EPB41L5: variants seen among roughly 807,000 people sequenced by gnomAD.
EPB41L5 encodes band 4.1-like protein 5.
In EPB41L5, 55 loss-of-function variants were observed where a neutral mutation model predicts 106.6. The observed-to-expected ratio is 0.52, with a 90% CI of 0.42 to 0.65. EPB41L5 has a LOEUF of 0.65. EPB41L5 is among the 30% of genes least tolerant of loss of function. EPB41L5 has a pLI of 0.00. For synonymous variants in EPB41L5, 297 were observed against 306.7 expected (o/e 0.97, Z 0.33); for missense variants, 871 against 882.1 (o/e 0.99, Z 0.16).
At chr2:120,114,865 T>A (rs538546988) in intron 16 of EPB41L5, among the ~76,000 whole-genome samples, 2 of 152,322 alleles carry the variant, frequency 1.3e-5, no homozygotes, top group African/African-American at 4.8e-5. Flanking sequence ...TTATCTAGTT[T>A]TTCTGCTCAT....
In EPB41L5 at chr2:120,100,245, G is replaced by A. The variant is rs750522667; in HGVS notation, c.1180G>A (p.Val394Ile). The A allele has an allele frequency of 3.7e-5, 60 of 1,612,622 alleles. No individual in the cohort carries two copies. The highest frequency in any genetic ancestry group is 5.0e-5 in the Non-Finnish European group (59 of 1,179,226). Residue 394 changes from valine to isoleucine, a missense_variant and splice_region_variant, in exon 15 of 25, where the codon GTT (valine) becomes ATT (isoleucine). By Grantham distance (29) the Val-to-Ile change is conservative. Transcript: ENST00000263713. ...ATTGATTTTTTTTTCCCATTACAGT[G>A]TTCACAATAATGTTTCGACCCAAAG... ...ACATKPEELS[V>I]HNNVSTQSNG... is the part of the protein sequence containing the mutation.
intron 16 of EPB41L5, chr2:120,105,750 C>T (rs145270902): frequency 0.014 from 14,224 of 985,228 alleles, 119 homozygotes; most frequent in Non-Finnish European, 0.016. Flanking sequence ...TAATGTATGG[C>T]CCTTATAGTT....
intron 3 of EPB41L5, among the ~76,000 whole-genome samples, chr2:120,072,961 G>C (rs1466386582): frequency 2.0e-5 from 3 of 151,140 alleles, no homozygotes; most frequent in Non-Finnish European, 4.4e-5. Context: ...TCAGGTTTTA[G>C]GTCGTTTTTG....
intron 16 of EPB41L5, among the ~76,000 whole-genome samples, chr2:120,108,701 A>C (rs1318055802): frequency 6.6e-6 from 1 of 152,154 alleles, no homozygotes; most frequent in Non-Finnish European, 1.5e-5. Flanking sequence ...TCTTATTACA[A>C]AACTGTATTT....
chr2:120,116,845 A>G lies in EPB41L5; in HGVS notation c.1338-10843A>G, dbSNP rs1299245806. Among the ~76,000 whole-genome samples, 3 of 152,120 alleles carry G rather than the reference A, an allele frequency of 2.0e-5. No individual in the cohort carries two copies. The East Asian group carries it at 5.8e-4, about 29-fold the overall frequency. On this transcript the variant is annotated intron_variant, in intron 16 of 24. Transcript: ENST00000263713. Reference sequence around the variant, plus strand: ...ATCTACCTAAATGTAGTAAGTCTTTATGCTACTACTGAAAAAAAGAATGAA... The same window carrying G: ...ATCTACCTAAATGTAGTAAGTCTTTGTGCTACTACTGAAAAAAAGAATGAA...
intron 20 of EPB41L5, among the ~76,000 whole-genome samples, chr2:120,147,871 AT>A (rs564915816): frequency 6.6e-6 from 1 of 152,038 alleles, no homozygotes; most frequent in Non-Finnish European, 1.5e-5. Flanking sequence ...TGAAGAATCT[AT>A]TTTTCCCCTA....
chr2:120,042,998 TGTGTGTGTGTGTGTGTGTGTGTG>T (rs1679504655), intron 3 of EPB41L5, among the ~76,000 whole-genome samples: 14 of 127,616 alleles, frequency 1.1e-4, no homozygotes, highest in East Asian at 4.5e-4. Flanking sequence ...TCTGGAAATG[TGTGTGTGTGTGTGTGTGTGTGTG>T]TGTGTGTGTG....
chr2:120,075,369 T>G, intron 5 of EPB41L5, 107 bp from the exon 6 acceptor site: 1 of 808,564 alleles, frequency 1.2e-6, no homozygotes, highest in Middle Eastern at 2.5e-4. Context: ...TATACATTAA[T>G]ACAAGTAATT....
At chr2:120,160,834 T>TA (rs1279050670) in intron 20 of EPB41L5, 47 bp from the exon 21 acceptor site, 1 of 1,407,472 alleles carries the variant, frequency 7.1e-7, no homozygotes, top group Non-Finnish European at 1.0e-6. Flanking sequence ...ATCCTGCCTG[T>TA]ACCTGTACAG....
At chr2:120,048,863 G>T (rs899352091) in intron 3 of EPB41L5, among the ~76,000 whole-genome samples, 16 of 152,096 alleles carry the variant, frequency 1.1e-4, no homozygotes, top group African/African-American at 3.6e-4. Context: ...CTGGTATGTT[G>T]TGTCTTTGTT....
chr2:120,174,659 G>A (rs1471016870), intron 24 of EPB41L5, among the ~76,000 whole-genome samples, 182 bp from the exon 25 acceptor site: 1 of 152,194 alleles, frequency 6.6e-6, no homozygotes, highest in Non-Finnish European at 1.5e-5. Flanking sequence ...AATAAGCAGT[G>A]TTTATCCAGA....
At chr2:120,100,640 T>A in intron 15 of EPB41L5, 59 bp from the exon 16 acceptor site, 12 of 1,184,818 alleles carry the variant, frequency 1.0e-5, no homozygotes, top group Non-Finnish European at 1.5e-5. Context: ...TTAGTATTTG[T>A]TGGTGAAGAG....
At chr2:120,119,629 T>A (rs1192434023) in intron 16 of EPB41L5, among the ~76,000 whole-genome samples, 1 of 140,390 alleles carries the variant, frequency 7.1e-6, no homozygotes, top group African/African-American at 2.8e-5. Context: ...CTCCATTTCT[T>A]TCTCTTTTTT....
chr2:120,122,186 C>A (rs1685246849), intron 16 of EPB41L5, among the ~76,000 whole-genome samples: 1 of 152,094 alleles, frequency 6.6e-6, no homozygotes, highest in Non-Finnish European at 1.5e-5. Context: ...TTAATTAGGT[C>A]ACATTTGTCA....
At chr2:120,149,247 T>G (rs1358214565) in intron 20 of EPB41L5, among the ~76,000 whole-genome samples, 1 of 152,210 alleles carries the variant, frequency 6.6e-6, no homozygotes, top group Non-Finnish European at 1.5e-5. Context: ...AGTGTGCAAT[T>G]CAATAGTTTT....
intron 22 of EPB41L5, among the ~76,000 whole-genome samples, chr2:120,165,284 T>C (rs1220365242): frequency 6.6e-6 from 1 of 152,250 alleles, no homozygotes; most frequent in Non-Finnish European, 1.5e-5. Context: ...GTCTGGAAGA[T>C]ACTGTATTAA....
At chr2:120,083,654 A>G (rs1163613355) in intron 10 of EPB41L5, among the ~76,000 whole-genome samples, 4 of 152,122 alleles carry the variant, frequency 2.6e-5, no homozygotes, top group Non-Finnish European at 5.9e-5. Context: ...ATTCCTGGAT[A>G]TCCTTGTTAA....
At chr2:120,156,878 C>A (rs943070296) in intron 20 of EPB41L5, among the ~76,000 whole-genome samples, 9 of 152,194 alleles carry the variant, frequency 5.9e-5, no homozygotes, top group African/African-American at 1.7e-4. Context: ...TTAGACACAT[C>A]ATCGAAGCAG....
chr2:120,073,394 A>G (rs113206273), intron 4 of EPB41L5, among the ~76,000 whole-genome samples, 174 bp downstream of exon 4: 11 of 152,306 alleles, frequency 7.2e-5, no homozygotes, highest in African/African-American at 2.6e-4. Context: ...TGTAGGCTTG[A>G]TACTAATCTA....
Sources: gnomAD v4.1 joint callset for allele counts (sites outside exome capture counted in the v4.1 genomes callset) on GRCh38, gnomAD v4.1.1 for gene constraint, MANE v1.5 for transcripts, NCBI Gene and HGNC (gene_info 2026-07-23, HGNC 2026-07-21) for gene names.